MUC5B: variants seen among roughly 807,000 people sequenced by gnomAD.
MUC5B encodes mucin-5B.
Under a neutral mutation model 376.9 loss-of-function variants are expected in MUC5B, and 116 were observed. The ratio of observed to expected loss-of-function variants is 0.31; its 90% CI spans 0.26 to 0.36. The LOEUF (loss-of-function observed/expected upper bound fraction) is 0.36, where lower values mean the gene tolerates loss of function less well. Among genes scored for constraint, MUC5B ranks in the 10% least tolerant of loss-of-function variants. The pLI, the probability that MUC5B is intolerant of heterozygous loss-of-function variation, is 1.00. For missense variants in MUC5B, 7,165 were observed against 7,769.9 expected (o/e 0.92, Z 2.93); for synonymous variants, 3,517 against 3,390.9 (o/e 1.04, Z -1.29).
chr11:1,247,688 C>G lies in MUC5B; in HGVS notation c.10808C>G (p.Ala3603Gly). The change falls in exon 31 of 49, where the codon GCG becomes GGG. Residue 3603 changes from alanine to glycine, a missense_variant. By Grantham distance (60) the Ala-to-Gly change is moderately conservative (BLOSUM62 0). Around this residue, in one of 31 missense-constraint regions of MUC5B, gnomAD observed 81 missense variants for 154.5 expected, o/e 0.52. Transcript: ENST00000529681. ...GDFDTYSNIR[A>G]AGGAVCEQPL... ...TTTGACACCTACTCCAACATCCGTGCGGCCGGAGGGGCAGTCTGTGAGCAG... is the reference window on the plus strand; with the variant it reads ...TTTGACACCTACTCCAACATCCGTGGGGCCGGAGGGGCAGTCTGTGAGCAG... The G allele has an allele frequency of 1.3e-6, 2 of 1,586,900 alleles. No individual in the cohort carries two copies.
At position 1,234,650 on chromosome 11, in the gene MUC5B, G is replaced by A. The variant is rs746541232; in HGVS notation, c.2600G>A (p.Gly867Glu). 47 of 1,548,372 alleles carry A rather than the reference G, an allele frequency of 3.0e-5. No homozygotes were observed. The highest frequency in any genetic ancestry group is 1.5e-4 in the East Asian group (6 of 40,812). ...CACAACGAGGCCACCTACAAGCCTG[G>A]AGAGACCATCAGGGTCGACTGCAAC... ...CVHNEATYKPGETIRVDCNTC... is the reference protein window; with the variant it reads ...CVHNEATYKPEETIRVDCNTC... The change falls in exon 21 of 49, where the codon GGA (glycine) becomes GAA (glutamate). Residue 867 changes from glycine (G) to glutamate (E), a missense_variant. Around this residue, in one of 31 missense-constraint regions of MUC5B, gnomAD observed 530 missense variants for 604.0 expected, o/e 0.88. Coordinates refer to ENST00000529681, the MANE Select transcript of MUC5B (RefSeq NM_002458.3). This position sits in a 1 kb window ranked among gnomAD's most constrained non-coding sequence, Gnocchi z 6.3.
rs1359951836 is a variant in MUC5B at position 1,229,157 on chromosome 11, T to A, written c.977-13T>A. ...GCCCTTCCCCTGGCCCAGCCCCACC[T>A]CCTTTTGCGCAGCCCGGACCTGCCC... On this transcript the variant is annotated splice_polypyrimidine_tract_variant and intron_variant, in intron 8 of 48. Transcript: ENST00000529681. 8.9e-6 allele frequency: 14 copies of A among 1,575,900 alleles called. No homozygotes were observed. Among genetic ancestry groups the A allele is most frequent in the Non-Finnish European group, 1.2e-5 (14 of 1,165,654 alleles).
chr11:1,235,437 C>T, intron 23 of MUC5B, 24 bp downstream of exon 23: 1 of 1,589,566 alleles, frequency 6.3e-7, no homozygotes. Flanking sequence ...CAGCTGTGAG[C>T]ACCCCCGACC....
rs534040393 is a variant in MUC5B, at chr11:1,236,448, C to T, written c.2943C>T (p.Asp981=). ...FKAVARGPGG[D]PPYKIRYMGI... is the part of the protein sequence containing the mutation. ...CGGTGGCGAGAGGGCCGGGTGGGGA[C>T]CCACCCTACAAGATACGCTACATGG... The change falls in exon 24 of 49, where the codon GAC becomes GAT. Residue 981 remains aspartate (D), a synonymous_variant. Transcript: ENST00000529681. 1.2e-6 allele frequency: 2 copies of T among 1,612,824 alleles called. No individual in the cohort carries two copies. Among genetic ancestry groups the T allele is most frequent in the Middle Eastern group, 1.7e-4 (1 of 6,060 alleles).
chr11:1,261,590 G>A lies in MUC5B; in HGVS notation c.17271G>A (p.Gln5757=). The stretch of plus-strand genomic sequence containing the variant: ...CACACACCCGTGGCTTCCCGGCCCA[G>A]GAGGCCACTGCTGTCTGAGAACGTT... ...APPHTRGFPA[Q]EATAV is the part of the protein sequence containing the mutation. Residue 5757 remains glutamine, a synonymous_variant, in exon 49 of 49, where the codon CAG becomes CAA. Transcript: ENST00000529681. 1.2e-6 allele frequency: 2 copies of A among 1,606,202 alleles called. No homozygotes were observed. Among genetic ancestry groups the A allele is most frequent in the Non-Finnish European group, 1.7e-6 (2 of 1,177,490 alleles).
In MUC5B at chr11:1,236,833, A is replaced by T. The variant is rs1862168131; in HGVS notation, c.3058-92A>T. On this transcript the variant is annotated intron_variant, in intron 24 of 48. Coordinates refer to ENST00000529681, the MANE Select transcript of MUC5B (RefSeq NM_002458.3). Reference sequence around the variant, plus strand: ...CCGGCTGCCCTCCCTCCATCCCCCGAGGGCTCTGGAGCCCAGGGTGGGCTC... The same window carrying T: ...CCGGCTGCCCTCCCTCCATCCCCCGTGGGCTCTGGAGCCCAGGGTGGGCTC... 4 of 1,372,700 alleles carry T rather than the reference A, an allele frequency of 2.9e-6. No individual in the cohort carries two copies. In the South Asian group the frequency reaches 6.9e-5, roughly 24 times the overall value. 85.0% of individuals were successfully genotyped at this position (1,372,700 alleles called of 1,614,324 possible).
Position 1,239,888 on chromosome 11 carries a change from G to A in MUC5B, c.3673G>A (p.Gly1225Arg), listed in dbSNP as rs763902961. 3.7e-6 allele frequency: 6 copies of A among 1,613,160 alleles called. No individual in the cohort carries two copies. Among genetic ancestry groups the A allele is most frequent in the East Asian group, 4.5e-5 (2 of 44,882 alleles). Reference sequence around the variant, plus strand: ...CCAGTGTGGCTGCTACGACAAGGACGGAAACTACTATGACGTCGGTGCAAG... The same window carrying A: ...CCAGTGTGGCTGCTACGACAAGGACAGAAACTACTATGACGTCGGTGCAAG... Reference protein sequence around the residue: ...VAQCGCYDKDGNYYDVGARVP... With the variant: ...VAQCGCYDKDRNYYDVGARVP... Residue 1225 changes from glycine to arginine, a missense_variant, in exon 28 of 49, where the codon GGA becomes AGA. Transcript: ENST00000529681.
At position 1,228,773 on chromosome 11, in the gene MUC5B, C is replaced by T. The variant is rs1861951068; in HGVS notation, c.976+8C>T. On this transcript the variant is annotated splice_region_variant and intron_variant, in intron 8 of 48. Coordinates refer to ENST00000529681, the MANE Select transcript of MUC5B (RefSeq NM_002458.3). ...GGTGCCCTGAGCTCTGCCGTGAGTG[C>T]TCCCAGGGCCTTCGCCAGGGATTGT... is the stretch of plus-strand genomic sequence containing the variant. The T allele has an allele frequency of 2.7e-6, 4 of 1,489,464 alleles. No individual in the cohort carries two copies. The South Asian group carries it at 3.8e-5, about 14-fold the overall frequency. 92.3% of individuals were successfully genotyped at this position (1,489,464 alleles called of 1,614,324 possible).
At chr11:1,227,210 G>A in intron 5 of MUC5B, 65 bp downstream of exon 5, 1 of 1,578,556 alleles carries the variant, frequency 6.3e-7, no homozygotes, top group Non-Finnish European at 8.7e-7. Context: ...CGGGGGTCGA[G>A]GGATGCCTCC....
At position 1,244,455 on chromosome 11, in the gene MUC5B, G is replaced by A. The variant is rs2133829046; in HGVS notation, c.7575G>A (p.Leu2525=). 1 of 1,607,414 alleles carries A rather than the reference G, an allele frequency of 6.2e-7. No homozygotes were observed. The highest frequency in any genetic ancestry group is 2.2e-5 in the East Asian group (1 of 44,772). The change falls in exon 31 of 49, where the codon CTG becomes CTA. Residue 2525 remains leucine (L), a synonymous_variant. Transcript: ENST00000529681. ...GGACTGCAACCGCCCTTCCAGCACT[G>A]AGAAGCACAGCCACCACACCCACAG... ...SPGTATALPA[L]RSTATTPTAT... is the part of the protein sequence containing the mutation.
rs367928700 is a variant in MUC5B, at chr11:1,242,511, T to C, written c.5631T>C (p.Leu1877=). 3,145 of 1,613,734 alleles carry C rather than the reference T, an allele frequency of 1.9e-3. 6 individuals are homozygous for C. Among genetic ancestry groups the C allele is most frequent in the Non-Finnish European group, 2.4e-3 (2,853 of 1,179,810 alleles). ...GCTTCAACTACAACGTGCGTGTGCTTTGCTGTGACGACTACAGCCACTGCC... is the reference window on the plus strand; with the variant it reads ...GCTTCAACTACAACGTGCGTGTGCTCTGCTGTGACGACTACAGCCACTGCC... ...NMCFNYNVRV[L]CCDDYSHCPS... is the part of the protein sequence containing the mutation. The change falls in exon 31 of 49, where the codon CTT becomes CTC. Residue 1877 remains leucine, a synonymous_variant. Coordinates refer to ENST00000529681, the MANE Select transcript of MUC5B (RefSeq NM_002458.3).
intron 18 of MUC5B, 56 bp downstream of exon 18, chr11:1,233,324 C>T: frequency 1.4e-6 from 2 of 1,456,304 alleles, no homozygotes; most frequent in South Asian, 2.8e-5. Flanking sequence ...CCACTTCCCG[C>T]CCTCCCCGAA....
intron 23 of MUC5B, among the ~76,000 whole-genome samples, chr11:1,235,838 G>A (rs1195317143): frequency 6.6e-6 from 1 of 151,274 alleles, no homozygotes; most frequent in East Asian, 1.9e-4. Flanking sequence ...CTCATTTCAA[G>A]ATGCTTCACT....
chr11:1,250,829 G>C lies in MUC5B; in HGVS notation c.13949G>C (p.Arg4650Thr), dbSNP rs199704716. The stretch of plus-strand genomic sequence containing the variant: ...ATCCCGGGGACCACCCACACCGCCA[G>C]AGTGCTGACCACCACCACCACAACT... Reference protein sequence around the residue: ...SSIPGTTHTARVLTTTTTTVA... With the variant: ...SSIPGTTHTATVLTTTTTTVA... Residue 4650 changes from arginine (R) to threonine (T), a missense_variant, in exon 31 of 49, where the codon AGA (arginine) becomes ACA (threonine). Around this residue, in one of 31 missense-constraint regions of MUC5B, gnomAD observed 730 missense variants for 592.7 expected, o/e 1.23. Transcript: ENST00000529681. 7.0e-3 allele frequency: 11,189 copies of C among 1,607,538 alleles called. 129 individuals are homozygous for C. Among genetic ancestry groups the C allele is most frequent in the South Asian group, 0.033 (2,990 of 90,590 alleles).
rs775617786 is a variant in MUC5B, at chr11:1,260,723, G to A, written c.17064G>A (p.Ala5688=). ...TCTGCGAGGGCTCCTGCCCCGGAGC[G>A]TCCAAGTGAGTGGGCTCCTGGCCCT... ...ITFCEGSCPG[A]SKYSAEAQAM... The change falls in exon 48 of 49, where the codon GCG becomes GCA. Residue 5688 remains alanine, a synonymous_variant. Transcript: ENST00000529681. The A allele has an allele frequency of 1.6e-5, 26 of 1,607,204 alleles. No homozygotes were observed. The highest frequency in any genetic ancestry group is 1.6e-4 in the Middle Eastern group (1 of 6,072).
chr11:1,228,725 G>A lies in MUC5B; in HGVS notation c.936G>A (p.Ala312=), dbSNP rs908325959. Residue 312 remains alanine, a synonymous_variant, in exon 8 of 49, where the codon GCG becomes GCA. Transcript: ENST00000529681. ...AATACTCACGCCAGTGCGCCCACGCGGGGGGCCAGCCGCGGAACTGGAGGT... is the reference window on the plus strand; with the variant it reads ...AATACTCACGCCAGTGCGCCCACGCAGGGGGCCAGCCGCGGAACTGGAGGT... ...FVEYSRQCAH[A]GGQPRNWRCP... The A allele has an allele frequency of 2.5e-5, 38 of 1,524,266 alleles. No homozygotes were observed. Among genetic ancestry groups the A allele is most frequent in the Admixed American group, 5.9e-5 (3 of 50,604 alleles). The allele number at this position is 1,524,266 out of a possible 1,614,324, so 94.4% of individuals were successfully genotyped here. A position where few individuals can be genotyped will look rare whatever the true frequency, so the allele number is the denominator to read the frequency against.
Position 1,248,574 on chromosome 11 carries a change from A to G in MUC5B, c.11694A>G (p.Thr3898=), listed in dbSNP as rs1395390051. Residue 3898 remains threonine, a synonymous_variant, in exon 31 of 49, where the codon ACA becomes ACG. Coordinates refer to ENST00000529681, the MANE Select transcript of MUC5B (RefSeq NM_002458.3). ...GGATCAGCACAACCACCACACCCACAACCAGTGGCTCCACGGTGACCCCCT... is the reference window on the plus strand; with the variant it reads ...GGATCAGCACAACCACCACACCCACGACCAGTGGCTCCACGGTGACCCCCT... The part of the protein sequence containing the change: ...PVWISTTTTP[T]TSGSTVTPSS... 6 of 1,612,490 alleles carry G rather than the reference A, an allele frequency of 3.7e-6. No individual in the cohort carries two copies. In the East Asian group the frequency reaches 8.9e-5, roughly 24 times the overall value.
rs56192926 is a variant in MUC5B at position 1,257,719 on chromosome 11, C to T, written c.16450+9C>T. ...CCCCGAGACGGTGTGCGGTAAGACG[C>T]TGCAGAGCAGAGGTGCCCGGCATAG... On this transcript the variant is annotated intron_variant, in intron 41 of 48. Coordinates refer to ENST00000529681, the MANE Select transcript of MUC5B (RefSeq NM_002458.3). This position sits in a 1 kb window ranked among gnomAD's most constrained non-coding sequence, Gnocchi z 8.9. 2.6e-6 allele frequency: 4 copies of T among 1,539,702 alleles called. No homozygotes were observed. The South Asian group carries it at 4.7e-5, about 18-fold the overall frequency.
Position 1,258,847 on chromosome 11 carries a change from G to A in MUC5B, c.16594-95G>A. On this transcript the variant is annotated intron_variant, in intron 43 of 48. Transcript: ENST00000529681. This position sits in a 1 kb window ranked among gnomAD's most constrained non-coding sequence, Gnocchi z 5.5. ...TGCATCTATGCTCCATCTGAGGAAG[G>A]AACAACTCCCTGCAGGCCCCATTGG... 6.7e-7 allele frequency: 1 copy of A among 1,495,638 alleles called. No homozygotes were observed. Among genetic ancestry groups the A allele is most frequent in the South Asian group, 1.3e-5 (1 of 78,576 alleles). The allele number at this position is 1,495,638 out of a possible 1,614,324, so 92.6% of individuals were successfully genotyped here.
Sources: gnomAD v4.1 joint callset for allele counts (sites outside exome capture counted in the v4.1 genomes callset) on GRCh38, gnomAD v4.1.1 for gene constraint, gnomAD v4.1.1 regional missense constraint, Gnocchi (gnomAD v3.1) non-coding constraint, MANE v1.5 for transcripts, NCBI Gene and HGNC (gene_info 2026-07-23, HGNC 2026-07-21) for gene names.